The following RUNX1 variants were observed in gnomAD, a reference collection of about 807,000 sequenced individuals.
RUNX1 encodes runt-related transcription factor 1.
RUNX1 carries 19 observed loss-of-function variants against 42.8 expected under a neutral mutation model. The ratio of observed to expected loss-of-function variants is 0.44; its 90% CI spans 0.31 to 0.65. The LOEUF (loss-of-function observed/expected upper bound fraction) is 0.65, where lower values mean the gene tolerates loss of function less well. RUNX1 is among the 30% of genes least tolerant of loss of function. The pLI, the probability that RUNX1 is intolerant of heterozygous loss-of-function variation, is 0.07. For synonymous variants in RUNX1, 271 were observed against 289.4 expected, an observed-to-expected ratio of 0.94 and a Z score of 0.64; for missense variants, 528 against 672.0, an observed-to-expected ratio of 0.79 and a Z score of 2.37.
chr21:34,896,423 C>T (rs1174101084), intron 2 of RUNX1, among the ~76,000 whole-genome samples: 2 of 152,188 alleles, frequency 1.3e-5, no homozygotes, highest in African/African-American at 4.8e-5. Context: ...TGGCTAACGC[C>T]TGTAATCCCA....
intron 2 of RUNX1, among the ~76,000 whole-genome samples, chr21:35,027,801 TCACACGTGTC>T (rs2059247731): frequency 6.6e-6 from 1 of 152,208 alleles, no homozygotes; most frequent in South Asian, 2.1e-4. Context: ...CAGGTAGAAC[TCACACGTGTC>T]CACATTTTTC....
At chr21:35,002,692 T>C (rs1179596646) in intron 2 of RUNX1, among the ~76,000 whole-genome samples, 1 of 152,128 alleles carries the variant, frequency 6.6e-6, no homozygotes, top group Non-Finnish European at 1.5e-5. Flanking sequence ...CCTCCCAAAC[T>C]GCTGGGATTA....
intron 2 of RUNX1, among the ~76,000 whole-genome samples, chr21:34,978,935 G>GAC (rs2058824233): frequency 2.6e-5 from 1 of 39,190 alleles, no homozygotes; most frequent in Admixed American, 2.7e-4. Context: ...CACACACACA[G>GAC]ATACACACAC....
At chr21:34,998,680 T>C (rs568547768) in intron 2 of RUNX1, among the ~76,000 whole-genome samples, 272 of 152,110 alleles carry the variant, frequency 1.8e-3, no homozygotes, top group Non-Finnish European at 3.4e-3. Context: ...TAGCTGGGAC[T>C]ACAGGCACCC....
intron 2 of RUNX1, among the ~76,000 whole-genome samples, chr21:34,985,055 T>C (rs2834714): frequency 0.35 from 53,200 of 151,926 alleles, 9,335 homozygotes; most frequent in East Asian, 0.41. Flanking sequence ...GATGAAAAAA[T>C]TGTGTCAAAG....
chr21:34,794,385 TC>T (rs2056495616), intron 8 of RUNX1, among the ~76,000 whole-genome samples: 1 of 152,182 alleles, frequency 6.6e-6, no homozygotes, highest in East Asian at 1.9e-4. Flanking sequence ...ATATCTACTT[TC>T]ATACTAGTTC....
intron 7 of RUNX1, among the ~76,000 whole-genome samples, chr21:34,830,713 G>T (rs1011908172): frequency 3.3e-5 from 5 of 152,098 alleles, no homozygotes; most frequent in Admixed American, 6.5e-5. Flanking sequence ...TCTGAATTTC[G>T]ATTTCTCTGT....
In RUNX1 at chr21:34,889,677, C is replaced by T. The variant is rs1442364951; in HGVS notation, c.98-2581G>A. The T allele has an allele frequency of 4.3e-6, 5 of 1,157,284 alleles. No individual in the cohort carries two copies. In the South Asian group the frequency reaches 7.8e-5, roughly 18 times the overall value. The allele number at this position is 1,157,284 out of a possible 1,614,324, so 71.7% of individuals were successfully genotyped here. ...GAGCGGCCCCAGGTGCGGAACCCACCCCGGCTTCGCGTGCGGGCGGCCGCT... is the reference window on the plus strand; with the variant it reads ...GAGCGGCCCCAGGTGCGGAACCCACTCCGGCTTCGCGTGCGGGCGGCCGCT... On this transcript the variant is annotated intron_variant, in intron 3 of 8. Coordinates refer to ENST00000675419, the MANE Select transcript of RUNX1 (RefSeq NM_001754.5).
intron 2 of RUNX1, among the ~76,000 whole-genome samples, chr21:34,925,645 T>C (rs1016608274): frequency 6.6e-6 from 1 of 152,216 alleles, no homozygotes; most frequent in Non-Finnish European, 1.5e-5. Flanking sequence ...ACTTCTGGCT[T>C]CTAAAGTTTT....
chr21:34,931,479 G>A (rs1792981978), intron 2 of RUNX1, among the ~76,000 whole-genome samples: 1 of 143,924 alleles, frequency 6.9e-6, no homozygotes, highest in African/African-American at 2.6e-5. Flanking sequence ...TATTATATAT[G>A]TATATAATGT....
At chr21:34,844,234 G>A (rs548289247) in intron 6 of RUNX1, among the ~76,000 whole-genome samples, 1 of 152,322 alleles carries the variant, frequency 6.6e-6, no homozygotes, top group African/African-American at 2.4e-5. Flanking sequence ...GGCGGGTGGC[G>A]CACTATGGAG....
At chr21:34,846,194 C>A (rs981152313) in intron 6 of RUNX1, among the ~76,000 whole-genome samples, 102 of 102,268 alleles carry the variant, frequency 1.0e-3, no homozygotes, top group Middle Eastern at 4.8e-3. Context: ...TTAAGGATGT[C>A]TTTTTTTTTT....
chr21:35,002,966 C>T (rs562595211), intron 2 of RUNX1, among the ~76,000 whole-genome samples: 2 of 152,234 alleles, frequency 1.3e-5, no homozygotes, highest in African/African-American at 2.4e-5. Context: ...ATGGGATTTT[C>T]GCCTCACATT....
At chr21:35,017,391 G>T (rs1319060322) in intron 2 of RUNX1, among the ~76,000 whole-genome samples, 1 of 152,110 alleles carries the variant, frequency 6.6e-6, no homozygotes, top group Non-Finnish European at 1.5e-5. Flanking sequence ...AAAGGAGAGT[G>T]GGGGGACAAT....
At position 34,787,956 on chromosome 21, in the gene RUNX1, C is replaced by T; in HGVS notation, c.*4179G>A. The T allele has an allele frequency of 4.3e-6, 1 of 233,412 alleles. No homozygotes were observed. The highest frequency in any genetic ancestry group is 8.5e-6 in the Non-Finnish European group (1 of 118,130). 14.5% of individuals were successfully genotyped at this position (233,412 alleles called of 1,614,324 possible). A position where few individuals can be genotyped will look rare whatever the true frequency, so the allele number is the denominator to read the frequency against. On this transcript the variant is annotated 3_prime_UTR_variant, in exon 9 of 9. Coordinates refer to ENST00000675419, the MANE Select transcript of RUNX1 (RefSeq NM_001754.5). Reference sequence around the variant, plus strand: ...CTGCTCAGGCTGGGCACGACGAATGCTCCCAGGAGAGGGGAGGCGGCCCAC... The same window carrying T: ...CTGCTCAGGCTGGGCACGACGAATGTTCCCAGGAGAGGGGAGGCGGCCCAC...
intron 6 of RUNX1, among the ~76,000 whole-genome samples, chr21:34,845,482 A>G (rs2057302269): frequency 6.6e-6 from 1 of 152,196 alleles, no homozygotes. Flanking sequence ...TGGTGAGACC[A>G]GCCTCCCAGC....
chr21:34,999,237 G>A (rs2059021765), intron 2 of RUNX1, among the ~76,000 whole-genome samples: 1 of 152,224 alleles, frequency 6.6e-6, no homozygotes, highest in East Asian at 1.9e-4. Flanking sequence ...GACTCTGGTG[G>A]TGATGGGAGG....
chr21:34,925,567 C>CT (rs2058386765), intron 2 of RUNX1, among the ~76,000 whole-genome samples: 2 of 152,250 alleles, frequency 1.3e-5, no homozygotes, highest in South Asian at 4.1e-4. Flanking sequence ...CCATCAAAAA[C>CT]TGGGAAGAGG....
At chr21:34,958,910 T>C (rs9976919) in intron 2 of RUNX1, among the ~76,000 whole-genome samples, 2,002 of 152,158 alleles carry the variant, frequency 0.013, 40 homozygotes, top group African/African-American at 0.046. Flanking sequence ...GGGACATGGA[T>C]GAAACTGGAA....
Sources: gnomAD v4.1 joint callset for allele counts (sites outside exome capture counted in the v4.1 genomes callset) on GRCh38, gnomAD v4.1.1 for gene constraint, MANE v1.5 for transcripts, NCBI Gene and HGNC (gene_info 2026-07-23, HGNC 2026-07-21) for gene names.